Variants in UBXN8 observed in about 807,000 individuals in gnomAD.
UBXN8 encodes the protein UBX domain protein 8.
UBXN8 carries 27 observed loss-of-function variants against 32.1 expected under a neutral mutation model. That is an observed-to-expected ratio of 0.84 (90% CI 0.62 to 1.16). The LOEUF is 1.16. UBXN8 is among the 50% of genes most tolerant of loss of function. The pLI is 0.00. For missense variants in UBXN8, 306 were observed against 311.4 expected (o/e 0.98, Z 0.13); for synonymous variants, 109 against 111.8 (o/e 0.98, Z 0.16).
intron 2 of UBXN8, among the ~76,000 whole-genome samples, chr8:30,752,049 T>C (rs1239512130): frequency 6.6e-6 from 1 of 151,192 alleles, no homozygotes; most frequent in Non-Finnish European, 1.5e-5. Flanking sequence ...TGCACCACCA[T>C]GCCAGCTAAT....
In UBXN8 at chr8:30,751,327, A is replaced by G. The variant is rs951525203; in HGVS notation, c.89-69A>G. ...TCAGGAGTTCGAGACCAGCCTAGTCAACATAGTGAGACCTCATCTCTTAAA... is the reference window on the plus strand; with the variant it reads ...TCAGGAGTTCGAGACCAGCCTAGTCGACATAGTGAGACCTCATCTCTTAAA... On this transcript the variant is annotated intron_variant, in intron 1 of 7. Coordinates refer to ENST00000265616, the MANE Select transcript of UBXN8 (RefSeq NM_005671.4). 4 of 1,339,640 alleles carry G rather than the reference A, an allele frequency of 3.0e-6. No homozygotes were observed. The Admixed American group carries it at 6.7e-5, about 23-fold the overall frequency. The allele number at this position is 1,339,640 out of a possible 1,614,324, so 83.0% of individuals were successfully genotyped here.
In UBXN8 at chr8:30,766,457, A is replaced by T. The variant is rs1806010721; in HGVS notation, c.*63A>T. On this transcript the variant is annotated 3_prime_UTR_variant, in exon 8 of 8. Coordinates refer to ENST00000265616, the MANE Select transcript of UBXN8 (RefSeq NM_005671.4). ...TATGCTATGACCTTCTGGCACAATA[A>T]AGGCTTCACTTTCAAATCACACTAT... The T allele has an allele frequency of 6.9e-7, 1 of 1,443,810 alleles. No individual in the cohort carries two copies. 89.4% of individuals were successfully genotyped at this position (1,443,810 alleles called of 1,614,324 possible). A position where few individuals can be genotyped will look rare whatever the true frequency, so the allele number is the denominator to read the frequency against.
chr8:30,754,264 G>T, intron 3 of UBXN8: 1 of 349,192 alleles, frequency 2.9e-6, no homozygotes, highest in African/African-American at 2.2e-5. Context: ...AACAAAGGAT[G>T]TTGGCTTCCC....
chr8:30,751,608 T>C, intron 2 of UBXN8, 90 bp downstream of exon 2: 1 of 1,068,544 alleles, frequency 9.4e-7, no homozygotes, highest in African/African-American at 1.6e-5. Context: ...ATTTTACTAT[T>C]AATTTGTGAT....
chr8:30,735,649 A>G (rs2911664), intron 1 of UBXN8, among the ~76,000 whole-genome samples: 151,796 of 152,324 alleles, frequency 1, 75,637 homozygotes, highest in Middle Eastern at 1. Context: ...AACCAGCCTG[A>G]CCAACATGGT....
intron 1 of UBXN8, among the ~76,000 whole-genome samples, chr8:30,747,306 T>TG (rs770022783): frequency 0.039 from 2,647 of 67,138 alleles, 319 homozygotes; most frequent in Middle Eastern, 0.081. Flanking sequence ...ACCTCAGTGG[T>TG]GTTTTTTTTT....
chr8:30,744,918 G>T (rs1805325018), intron 1 of UBXN8, among the ~76,000 whole-genome samples: 2 of 152,152 alleles, frequency 1.3e-5, no homozygotes, highest in South Asian at 4.1e-4. Flanking sequence ...GGATAATGAC[G>T]TTTATTGAAC....
chr8:30,751,541 C>G (rs1000006928), intron 2 of UBXN8, 23 bp downstream of exon 2: 1 of 1,556,068 alleles, frequency 6.4e-7, no homozygotes, highest in African/African-American at 1.4e-5. Context: ...TTTATTCTAC[C>G]CTTTTATACC....
chr8:30,758,551 T>TA (rs1258231532), intron 5 of UBXN8, among the ~76,000 whole-genome samples: 11 of 152,342 alleles, frequency 7.2e-5, no homozygotes, highest in South Asian at 4.1e-4. Context: ...AAATAGTTTC[T>TA]AAGATATTGC....
intron 1 of UBXN8, among the ~76,000 whole-genome samples, chr8:30,737,889 T>C (rs1259562818): frequency 2.0e-5 from 3 of 152,122 alleles, no homozygotes; most frequent in Non-Finnish European, 4.4e-5. Flanking sequence ...TCTTATTTTT[T>C]AGGGGGGAAA....
intron 1 of UBXN8, among the ~76,000 whole-genome samples, chr8:30,748,787 C>T (rs777942276): frequency 2.0e-5 from 3 of 152,232 alleles, no homozygotes; most frequent in Middle Eastern, 3.4e-3. Flanking sequence ...GTGATCCACC[C>T]GCCTTGGCCT....
chr8:30,741,454 CTTTTTTTTTTT>C (rs565066061), upstream of UBXN8, among the ~76,000 whole-genome samples: 1 of 116,742 alleles, frequency 8.6e-6, no homozygotes, highest in Non-Finnish European at 1.7e-5. Flanking sequence ...AAGCAATGTT[CTTTTTTTTTTT>C]TTTTTTTTTG....
chr8:30,743,978 G>A (rs929980407), upstream of UBXN8, among the ~76,000 whole-genome samples: 7 of 152,214 alleles, frequency 4.6e-5, no homozygotes, highest in Admixed American at 3.3e-4. Flanking sequence ...TGTGACTTGG[G>A]GGACGACTTG....
At chr8:30,762,639 C>T (rs1203788883) in intron 6 of UBXN8, among the ~76,000 whole-genome samples, 1 of 152,120 alleles carries the variant, frequency 6.6e-6, no homozygotes, top group Non-Finnish European at 1.5e-5. Context: ...GTGATCCGCC[C>T]ACCTTGGCCC....
At chr8:30,754,444 G>A in intron 3 of UBXN8, 2 of 627,804 alleles carry the variant, frequency 3.2e-6, no homozygotes, top group Non-Finnish European at 6.0e-6. Context: ...CAACCTGGTT[G>A]ATACTGTCAT....
chr8:30,762,718 C>T (rs995664188), intron 6 of UBXN8, among the ~76,000 whole-genome samples: 1 of 152,008 alleles, frequency 6.6e-6, no homozygotes, highest in African/African-American at 2.4e-5. Flanking sequence ...TCTAACATAG[C>T]TTTCCTGAGA....
chr8:30,759,728 A>G (rs1433191063), intron 5 of UBXN8, among the ~76,000 whole-genome samples: 2 of 151,196 alleles, frequency 1.3e-5, no homozygotes, highest in African/African-American at 2.4e-5. Flanking sequence ...AGGCTGAGGC[A>G]GGCGGATCAC....
intron 1 of UBXN8, among the ~76,000 whole-genome samples, chr8:30,745,244 C>A (rs1563558390): frequency 6.6e-6 from 1 of 152,094 alleles, no homozygotes; most frequent in African/African-American, 2.4e-5. Context: ...TAGGATCAAC[C>A]AACAGGCTTT....
chr8:30,737,309 T>G (rs7000192), intron 1 of UBXN8, among the ~76,000 whole-genome samples: 37,696 of 151,886 alleles, frequency 0.25, 5,309 homozygotes, highest in African/African-American at 0.39. Context: ...GGGGAAGCTG[T>G]TCTTTTCTTT....
Sources: gnomAD v4.1 joint callset for allele counts (sites outside exome capture counted in the v4.1 genomes callset) on GRCh38, gnomAD v4.1.1 for gene constraint, MANE v1.5 for transcripts, NCBI Gene and HGNC (gene_info 2026-07-23, HGNC 2026-07-21) for gene names.